Variants in GRIK4 observed in about 807,000 individuals in gnomAD.
GRIK4 encodes glutamate receptor ionotropic, kainate 4.
Under a neutral mutation model 104.9 loss-of-function variants are expected in GRIK4, and 40 were observed. The ratio of observed to expected loss-of-function variants is 0.38; its 90% CI spans 0.30 to 0.50. The LOEUF is 0.50. Ranked by LOEUF, GRIK4 falls within the 20% of genes least tolerant of loss-of-function variation. The probability of loss-of-function intolerance (pLI) is 0.93; values close to 1 mark genes in which losing one functional copy is unlikely to be tolerated. For missense variants in GRIK4, 1,047 were observed against 1,308.1 expected (o/e 0.80, Z 3.08); for synonymous variants, 485 against 524.9 (o/e 0.92, Z 1.04).
intron 13 of GRIK4, among the ~76,000 whole-genome samples, chr11:120,926,452 TAACCTCCCCA>T (rs1245450303): frequency 6.6e-6 from 1 of 152,234 alleles, no homozygotes; most frequent in South Asian, 2.1e-4. Context: ...TTCATTAATT[TAACCTCCCCA>T]ACATACCTAC....
intron 4 of GRIK4, among the ~76,000 whole-genome samples, chr11:120,810,328 T>C (rs1219050287): frequency 6.6e-6 from 1 of 152,224 alleles, no homozygotes; most frequent in Admixed American, 6.5e-5. Flanking sequence ...CAGGAGAAAC[T>C]TTCCTTTCTT....
At chr11:120,741,004 A>T (rs1951319264) in intron 3 of GRIK4, among the ~76,000 whole-genome samples, 2 of 152,170 alleles carry the variant, frequency 1.3e-5, no homozygotes, top group African/African-American at 2.4e-5. Flanking sequence ...GAGGGGCCTC[A>T]GTAAAGCTGT....
rs186626570 is a variant in GRIK4 at position 120,818,976 on chromosome 11, G to A, written c.346-779G>A. The stretch of plus-strand genomic sequence containing the variant: ...TATTACCTACCAAATAGCCTAAGCC[G>A]CCAATAAAGCAGCCATCACAGCCTC... On this transcript the variant is annotated intron_variant, in intron 5 of 20. Transcript: ENST00000527524. 7.2e-4 allele frequency among the ~76,000 whole-genome samples: 109 copies of A among 152,328 alleles called. 1 individual carries two copies. The highest frequency in any genetic ancestry group is 2.1e-4 in the Non-Finnish European group (14 of 68,030).
chr11:120,668,194 G>T (rs1195918819), intron 3 of GRIK4, among the ~76,000 whole-genome samples: 1 of 151,784 alleles, frequency 6.6e-6, no homozygotes, highest in African/African-American at 2.4e-5. Context: ...GAGGTAGGTA[G>T]GTAGGTAAGC....
intron 3 of GRIK4, among the ~76,000 whole-genome samples, chr11:120,673,433 C>T (rs1239589494): frequency 6.6e-6 from 1 of 152,176 alleles, no homozygotes; most frequent in African/African-American, 2.4e-5. Flanking sequence ...CTCCCTGTCC[C>T]CATATTGTCT....
intron 8 of GRIK4, among the ~76,000 whole-genome samples, chr11:120,843,091 C>T (rs1157660319): frequency 6.6e-6 from 1 of 152,244 alleles, no homozygotes; most frequent in African/African-American, 2.4e-5. Context: ...GGGTAAAGGT[C>T]AAAAGTCAGG....
intron 3 of GRIK4, among the ~76,000 whole-genome samples, chr11:120,715,855 G>T (rs1950822282): frequency 6.6e-6 from 1 of 152,076 alleles, no homozygotes; most frequent in Non-Finnish European, 1.5e-5. Flanking sequence ...CCTCCTCTGG[G>T]TTCCAGCCTT....
intron 1 of GRIK4, among the ~76,000 whole-genome samples, chr11:120,587,348 A>G (rs904103151): frequency 3.9e-5 from 6 of 152,080 alleles, no homozygotes; most frequent in Non-Finnish European, 8.8e-5. Context: ...CATGGAAAAA[A>G]ATCTTATAAT....
At chr11:120,695,965 A>C (rs1950442072) in intron 3 of GRIK4, among the ~76,000 whole-genome samples, 1 of 152,114 alleles carries the variant, frequency 6.6e-6, no homozygotes, top group South Asian at 2.1e-4. Flanking sequence ...AGGCTCTCAC[A>C]TGCCTCCTCC....
chr11:120,629,631 G>A (rs887778024), intron 1 of GRIK4, among the ~76,000 whole-genome samples: 4 of 152,110 alleles, frequency 2.6e-5, no homozygotes, highest in Non-Finnish European at 4.4e-5. Flanking sequence ...AAGCTAGAGC[G>A]CCTCCACCAG....
intron 1 of GRIK4, among the ~76,000 whole-genome samples, chr11:120,560,971 C>T (rs1948232424): frequency 6.6e-6 from 1 of 152,174 alleles, no homozygotes; most frequent in Non-Finnish European, 1.5e-5. Context: ...TTTATTTGGC[C>T]TCAGCCTTAA....
At chr11:120,775,441 G>A (rs1458867391) in intron 3 of GRIK4, among the ~76,000 whole-genome samples, 1 of 152,206 alleles carries the variant, frequency 6.6e-6, no homozygotes, top group East Asian at 1.9e-4. Context: ...TGTGACTTGG[G>A]TAGAGTCCCT....
chr11:120,661,743 A>G (rs1949820913), intron 3 of GRIK4, among the ~76,000 whole-genome samples: 1 of 152,150 alleles, frequency 6.6e-6, no homozygotes, highest in Admixed American at 6.5e-5. Context: ...TTTCATGCAA[A>G]TGCAGAGGAG....
intron 1 of GRIK4, among the ~76,000 whole-genome samples, chr11:120,554,164 A>G (rs1948166155): frequency 6.6e-6 from 1 of 152,156 alleles, no homozygotes. Flanking sequence ...AGATGAATAG[A>G]TGAAGTTTCA....
intron 1 of GRIK4, among the ~76,000 whole-genome samples, chr11:120,650,112 C>A (rs1185996258): frequency 6.6e-6 from 1 of 152,200 alleles, no homozygotes; most frequent in Non-Finnish European, 1.5e-5. Context: ...CCTCCCGTGG[C>A]TGGCAATGAG....
intron 1 of GRIK4, among the ~76,000 whole-genome samples, chr11:120,531,645 G>A (rs1457298723): frequency 2.0e-5 from 3 of 151,624 alleles, no homozygotes; most frequent in African/African-American, 4.9e-5. Flanking sequence ...GCGCAGTCTC[G>A]GCTCACTGGA....
chr11:120,875,862 T>C (rs1954773902), intron 11 of GRIK4, among the ~76,000 whole-genome samples: 1 of 152,168 alleles, frequency 6.6e-6, no homozygotes, highest in Non-Finnish European at 1.5e-5. Context: ...AACAGAGATC[T>C]GAAAGGGATC....
chr11:120,917,428 T>C (rs1036800546), intron 13 of GRIK4, among the ~76,000 whole-genome samples: 1 of 152,036 alleles, frequency 6.6e-6, no homozygotes, highest in Non-Finnish European at 1.5e-5. Flanking sequence ...GTTCTGTCTC[T>C]GAAAGCTTAC....
At chr11:120,824,738 A>G (rs1167609791) in intron 6 of GRIK4, among the ~76,000 whole-genome samples, 2 of 150,686 alleles carry the variant, frequency 1.3e-5, no homozygotes, top group Admixed American at 1.3e-4. Context: ...TTTTGTAGAG[A>G]CAGGTTTCAC....
Sources: gnomAD v4.1 joint callset for allele counts (sites outside exome capture counted in the v4.1 genomes callset) on GRCh38, gnomAD v4.1.1 for gene constraint, MANE v1.5 for transcripts, NCBI Gene and HGNC (gene_info 2026-07-23, HGNC 2026-07-21) for gene names.